Variants in LRFN5 observed in about 807,000 individuals in gnomAD.
LRFN5 encodes the protein leucine-rich repeat and fibronectin type-III domain-containing protein 5.
In LRFN5, 24 loss-of-function variants were observed where a neutral mutation model predicts 45.6. The ratio of observed to expected loss-of-function variants is 0.53; its 90% CI spans 0.38 to 0.74. LRFN5 has a LOEUF of 0.74. Ranked by LOEUF, LRFN5 falls within the 30% of genes least tolerant of loss-of-function variation. The pLI is 0.00. For synonymous variants in LRFN5, 340 were observed against 313.8 expected, an observed-to-expected ratio of 1.08 and a Z score of -0.88; for missense variants, 776 against 861.5, an observed-to-expected ratio of 0.90 and a Z score of 1.24.
At chr14:41,688,770 G>T (rs1346770077) in intron 1 of LRFN5, among the ~76,000 whole-genome samples, 1 of 152,082 alleles carries the variant, frequency 6.6e-6, no homozygotes, top group Non-Finnish European at 1.5e-5. Context: ...TGTAGACCTG[G>T]AAATGCCTAC....
At chr14:41,724,014 C>T (rs1883830532) in intron 1 of LRFN5, among the ~76,000 whole-genome samples, 1 of 152,128 alleles carries the variant, frequency 6.6e-6, no homozygotes, top group Non-Finnish European at 1.5e-5. Flanking sequence ...TGGAGAGAAA[C>T]AAAATGTTCT....
intron 1 of LRFN5, among the ~76,000 whole-genome samples, chr14:41,702,399 G>A (rs1882875172): frequency 6.6e-6 from 1 of 152,126 alleles, no homozygotes; most frequent in African/African-American, 2.4e-5. Flanking sequence ...AATAATTCTG[G>A]TTATAATTAA....
intron 1 of LRFN5, among the ~76,000 whole-genome samples, chr14:41,621,357 C>T (rs1259211562): frequency 6.6e-6 from 1 of 152,062 alleles, no homozygotes; most frequent in Non-Finnish European, 1.5e-5. Context: ...ATCAGTGATT[C>T]TTAAGTGGAG....
At chr14:41,760,354 C>T (rs1283024744) in intron 1 of LRFN5, among the ~76,000 whole-genome samples, 1 of 152,102 alleles carries the variant, frequency 6.6e-6, no homozygotes, top group African/African-American at 2.4e-5. Flanking sequence ...TCCAAAGCAG[C>T]TGTGATTACA....
In LRFN5 at chr14:41,634,019, G is replaced by A. The variant is rs547317511; in HGVS notation, c.-197+25457G>A. ...AAATTATCAGTTCTAATGAATTATC[G>A]CCATATAATTATATTATTAACATTT... is the stretch of plus-strand genomic sequence containing the variant. On this transcript the variant is annotated intron_variant, in intron 1 of 5. Coordinates refer to ENST00000298119, the MANE Select transcript of LRFN5 (RefSeq NM_152447.5). 4.6e-5 allele frequency among the ~76,000 whole-genome samples: 7 copies of A among 152,052 alleles called. No individual in the cohort carries two copies. The South Asian group carries it at 6.2e-4, about 14-fold the overall frequency.
intron 4 of LRFN5, chr14:41,895,008 T>G: frequency 4.1e-6 from 4 of 982,674 alleles, no homozygotes; most frequent in Non-Finnish European, 4.8e-6. Flanking sequence ...TATTTTTCTT[T>G]TATTTTTGTC....
chr14:41,877,622 A>G (rs900955123), intron 2 of LRFN5, among the ~76,000 whole-genome samples: 3 of 149,630 alleles, frequency 2.0e-5, no homozygotes, highest in Non-Finnish European at 4.4e-5. Flanking sequence ...GTAAAAATAC[A>G]TGTGTGTGTG....
chr14:41,895,634 GA>G (rs896905884), intron 4 of LRFN5, among the ~76,000 whole-genome samples: 17 of 145,900 alleles, frequency 1.2e-4, no homozygotes, highest in East Asian at 1.0e-3. Context: ...CAAAAGAGAA[GA>G]AAAAAAAAGT....
rs543927619 is a variant in LRFN5, at chr14:41,895,846, GA to G, written c.2099-3068del. 7.4e-3 allele frequency among the ~76,000 whole-genome samples: 1,127 copies of G among 151,842 alleles called. 5 individuals carry two copies. Among genetic ancestry groups the G allele is most frequent in the Non-Finnish European group, 9.8e-3 (665 of 67,930 alleles). On this transcript the variant is annotated intron_variant, in intron 4 of 5. Transcript: ENST00000298119. ...GAATAGAAGTTTTGAACCATTCTAA[GA>G]AATCTCTAAACATAACAAGTCTAAT...
At chr14:41,645,170 A>T (rs2138606341) in intron 1 of LRFN5, among the ~76,000 whole-genome samples, 1 of 152,332 alleles carries the variant, frequency 6.6e-6, no homozygotes, top group Admixed American at 6.5e-5. Context: ...GAGATGATGC[A>T]TGTAAAGTGT....
intron 1 of LRFN5, among the ~76,000 whole-genome samples, chr14:41,618,482 G>T (rs1887996575): frequency 6.6e-6 from 1 of 152,140 alleles, no homozygotes; most frequent in African/African-American, 2.4e-5. Context: ...CAGGTGGCCT[G>T]GCTAACAGCC....
intron 2 of LRFN5, among the ~76,000 whole-genome samples, chr14:41,791,422 G>C (rs538262505): frequency 6.6e-6 from 1 of 152,028 alleles, no homozygotes; most frequent in South Asian, 2.1e-4. Context: ...TCTAAGGAGT[G>C]ACCAATTATG....
At chr14:41,723,125 C>T (rs952578047) in intron 1 of LRFN5, among the ~76,000 whole-genome samples, 5 of 152,164 alleles carry the variant, frequency 3.3e-5, no homozygotes, top group African/African-American at 9.7e-5. Flanking sequence ...CAGTGCAGCA[C>T]GATCGCTCCA....
chr14:41,862,423 C>A (rs938831509), intron 2 of LRFN5, among the ~76,000 whole-genome samples: 1 of 151,978 alleles, frequency 6.6e-6, no homozygotes, highest in Non-Finnish European at 1.5e-5. Context: ...TTAATTTTTT[C>A]TTTTATATTG....
intron 2 of LRFN5, among the ~76,000 whole-genome samples, chr14:41,857,997 G>C (rs1253349652): frequency 3.9e-5 from 6 of 152,054 alleles, no homozygotes; most frequent in Admixed American, 3.9e-4. Flanking sequence ...AAGATAAGGG[G>C]AATATAATAC....
chr14:41,728,212 C>T (rs754333560), intron 1 of LRFN5, among the ~76,000 whole-genome samples: 29 of 152,030 alleles, frequency 1.9e-4, no homozygotes, highest in African/African-American at 3.4e-4. Context: ...TAAAAGCACA[C>T]GCAAACAAAT....
chr14:41,790,618 A>G (rs909268269), intron 2 of LRFN5, among the ~76,000 whole-genome samples: 1 of 150,466 alleles, frequency 6.6e-6, no homozygotes, highest in Admixed American at 6.6e-5. Flanking sequence ...AATACATATT[A>G]TCGATATGTA....
chr14:41,680,248 G>A (rs56868163), intron 1 of LRFN5, among the ~76,000 whole-genome samples: 2,265 of 152,312 alleles, frequency 0.015, 12 homozygotes, highest in African/African-American at 0.021. Flanking sequence ...TGATTGTAGA[G>A]ACCTATGGCC....
At chr14:41,679,153 A>G (rs1014277343) in intron 1 of LRFN5, among the ~76,000 whole-genome samples, 1 of 152,162 alleles carries the variant, frequency 6.6e-6, no homozygotes, top group Non-Finnish European at 1.5e-5. Context: ...CTTGGGTTCT[A>G]AATAAACTTG....
Sources: allele counts gnomAD v4.1 joint callset (sites outside exome capture counted in the v4.1 genomes callset), GRCh38; gene constraint gnomAD v4.1.1; transcripts MANE v1.5; gene names NCBI Gene and HGNC (gene_info 2026-07-23, HGNC 2026-07-21).